IMPA1: variants seen among roughly 807,000 people sequenced by gnomAD.
The protein encoded by IMPA1 is inositol monophosphatase 1, also known as D-galactose 1-phosphate phosphatase.
Under a neutral mutation model 34.9 loss-of-function variants are expected in IMPA1, and 21 were observed. The ratio of observed to expected loss-of-function variants is 0.60; its 90% CI spans 0.43 to 0.87. The LOEUF (loss-of-function observed/expected upper bound fraction) is 0.87. Ranked by LOEUF, IMPA1 falls within the 40% of genes least tolerant of loss-of-function variation. The probability of loss-of-function intolerance (pLI) is 0.00; values close to 1 mark genes in which losing one functional copy is unlikely to be tolerated. For missense variants in IMPA1, 299 were observed against 336.4 expected (o/e 0.89, Z 0.87); for synonymous variants, 95 against 104.4 (o/e 0.91, Z 0.55).
rs892600685 is a variant in IMPA1 at position 81,657,048 on chromosome 8, G to A, written c.*2303C>T. On this transcript the variant is annotated 3_prime_UTR_variant, in exon 9 of 9. Transcript: ENST00000256108. ...AAAATATACATGTTAAGTCTAAGAA[G>A]TCCTGTTACTCAAAGAAATATTTTC... Among the ~76,000 whole-genome samples, 25 of 152,238 alleles carry A rather than the reference G, an allele frequency of 1.6e-4. No homozygotes were observed. The highest frequency in any genetic ancestry group is 5.8e-4 in the African/African-American group (24 of 41,514).
At chr8:81,666,992 G>GT (rs1300748232) in intron 7 of IMPA1, among the ~76,000 whole-genome samples, 1 of 150,432 alleles carries the variant, frequency 6.6e-6, no homozygotes, top group Admixed American at 6.6e-5. Context: ...AACTACGTAT[G>GT]TAACTATTAT....
At chr8:81,667,466 C>G (rs910642105) in intron 7 of IMPA1, among the ~76,000 whole-genome samples, 1 of 152,064 alleles carries the variant, frequency 6.6e-6, no homozygotes, top group African/African-American at 2.4e-5. Context: ...CTTCTAGGTT[C>G]ATGGCTTATA....
chr8:81,660,018 C>A (rs1229220735), intron 8 of IMPA1, among the ~76,000 whole-genome samples: 4 of 152,070 alleles, frequency 2.6e-5, no homozygotes, highest in African/African-American at 9.7e-5. Context: ...ACTGTCTAGG[C>A]CAAGGGTGTC....
chr8:81,662,061 G>A (rs1182102224), intron 7 of IMPA1, among the ~76,000 whole-genome samples: 1 of 152,070 alleles, frequency 6.6e-6, no homozygotes, highest in African/African-American at 2.4e-5. Flanking sequence ...TTTTAAAAAG[G>A]ATTAGAATAA....
At chr8:81,674,589 T>C (rs1446896680) in intron 5 of IMPA1, 1 of 327,062 alleles carries the variant, frequency 3.1e-6, no homozygotes, top group Non-Finnish European at 6.0e-6. Context: ...ACTACCTCCA[T>C]GCTCCCACCA....
chr8:81,681,360 C>T, intron 2 of IMPA1, 138 bp downstream of exon 2: 1 of 616,778 alleles, frequency 1.6e-6, no homozygotes. Context: ...GTTCCTGCCA[C>T]TACATTCCAG....
At position 81,659,248 on chromosome 8, in the gene IMPA1, A is replaced by T. The variant is rs1806595414; in HGVS notation, c.*103T>A. 1.4e-6 allele frequency: 1 copy of T among 729,090 alleles called. No homozygotes were observed. The highest frequency in any genetic ancestry group is 1.6e-5 in the South Asian group (1 of 63,936). The allele number at this position is 729,090 out of a possible 1,614,324, so 45.2% of individuals were successfully genotyped here. A position where few individuals can be genotyped will look rare whatever the true frequency, so the allele number is the denominator to read the frequency against. On this transcript the variant is annotated 3_prime_UTR_variant, in exon 9 of 9. Transcript: ENST00000256108. Reference sequence around the variant, plus strand: ...AGTTCCAAATTTTTGACCTGGACAAAGAGAATTTAAACCAAGCATATCATA... The same window carrying T: ...AGTTCCAAATTTTTGACCTGGACAATGAGAATTTAAACCAAGCATATCATA...
intron 7 of IMPA1, among the ~76,000 whole-genome samples, chr8:81,665,023 T>C (rs949774029): frequency 2.6e-5 from 4 of 151,138 alleles, no homozygotes; most frequent in Admixed American, 1.3e-4. Context: ...ACTGGCAAAA[T>C]AAGAAATTCA....
At chr8:81,667,100 ACT>A (rs1806850970) in intron 7 of IMPA1, among the ~76,000 whole-genome samples, 1 of 152,100 alleles carries the variant, frequency 6.6e-6, no homozygotes, top group Admixed American at 6.6e-5. Context: ...TACATCAGAG[ACT>A]CTCAGTATAA....
rs1441697668 is a variant in IMPA1, at chr8:81,658,646, ATC to A, written c.*703_*704del. On this transcript the variant is annotated 3_prime_UTR_variant, in exon 9 of 9. Transcript: ENST00000256108. ...AGAAATGCCCACAATAAGCCATGCT[ATC>A]TGATGGTATGGTAATGTGAAATGGC... The A allele has an allele frequency of 2.6e-5, 4 of 152,636 alleles. No homozygotes were observed. The highest frequency in any genetic ancestry group is 9.6e-5 in the African/African-American group (4 of 41,464). 9.5% of individuals were successfully genotyped at this position (152,636 alleles called of 1,614,324 possible).
chr8:81,679,352 G>A (rs1259477469), intron 3 of IMPA1, 122 bp from the exon 4 acceptor site: 3 of 683,034 alleles, frequency 4.4e-6, no homozygotes, highest in Non-Finnish European at 7.8e-6. Flanking sequence ...GGAGGTTCAC[G>A]CCTGTAATCC....
chr8:81,679,188 G>C lies in IMPA1; in HGVS notation c.240C>G (p.Ile80Met), dbSNP rs204777. The change falls in exon 4 of 9, where the codon ATC becomes ATG. Residue 80 changes from isoleucine to methionine, a missense_variant. Transcript: ENST00000256108. Reference sequence around the variant, plus strand: ...TGATCCATGTGGGGTTGTCGGTTAAGATACTTTTTTCCCCAGCTGCCACAG... The same window carrying C: ...TGATCCATGTGGGGTTGTCGGTTAACATACTTTTTTCCCCAGCTGCCACAG... ...EESVAAGEKS[I>M]LTDNPTWIID... is the part of the protein sequence containing the mutation. The C allele has an allele frequency of 1.2e-6, 2 of 1,614,002 alleles. No homozygotes were observed. The highest frequency in any genetic ancestry group is 1.7e-6 in the Non-Finnish European group (2 of 1,179,902).
chr8:81,683,076 A>G (rs1364434650), intron 1 of IMPA1, among the ~76,000 whole-genome samples: 2 of 152,242 alleles, frequency 1.3e-5, no homozygotes, highest in Non-Finnish European at 2.9e-5. Context: ...TTCCCTGAAG[A>G]CAAGATTAAA....
In IMPA1 at chr8:81,677,672, A is replaced by G. The variant is rs551904927; in HGVS notation, c.303-1393T>C. On this transcript the variant is annotated intron_variant, in intron 4 of 8. Coordinates refer to ENST00000256108, the MANE Select transcript of IMPA1 (RefSeq NM_005536.4). ...AAATAAAAACTTTTAAATATGTAAGAAAGTTTTTATTTTAACAAAAATAAG... is the reference window on the plus strand; with the variant it reads ...AAATAAAAACTTTTAAATATGTAAGGAAGTTTTTATTTTAACAAAAATAAG... Among the ~76,000 whole-genome samples, 10 of 152,382 alleles carry G rather than the reference A, an allele frequency of 6.6e-5. No individual in the cohort carries two copies. In the South Asian group the frequency reaches 1.7e-3, roughly 25 times the overall value.
At position 81,673,928 on chromosome 8, in the gene IMPA1, T is replaced by C; in HGVS notation, c.370A>G (p.Ser124Gly). 6.2e-7 allele frequency: 1 copy of C among 1,611,510 alleles called. No individual in the cohort carries two copies. The highest frequency in any genetic ancestry group is 1.1e-5 in the South Asian group (1 of 91,006). The change falls in exon 6 of 9, where the codon AGT (serine) becomes GGT (glycine). Residue 124 changes from serine (S) to glycine (G), a missense_variant. Coordinates refer to ENST00000256108, the MANE Select transcript of IMPA1 (RefSeq NM_005536.4). Reference protein sequence around the residue: ...NKKIEFGVVYSCVEGKMYTAR... With the variant: ...NKKIEFGVVYGCVEGKMYTAR... Reference sequence around the variant, plus strand: ...GTGTACATCTTGCCTTCCACACAACTGTACACAACTCCAAATTCTATCTGC... The same window carrying C: ...GTGTACATCTTGCCTTCCACACAACCGTACACAACTCCAAATTCTATCTGC...
intron 1 of IMPA1, among the ~76,000 whole-genome samples, chr8:81,682,778 C>A (rs950152757): frequency 3.3e-5 from 5 of 152,254 alleles, no homozygotes; most frequent in Middle Eastern, 3.4e-3. Context: ...TCTACAAATT[C>A]TTCAGGACCC....
chr8:81,659,466 C>T lies in IMPA1; in HGVS notation c.719G>A (p.Gly240Asp), dbSNP rs1260261553. Residue 240 changes from glycine (G) to aspartate (D), a missense_variant and splice_region_variant, in exon 9 of 9, where the codon GGT becomes GAT. By Grantham distance (94) the Gly-to-Asp change is moderately conservative (BLOSUM62 -1). Coordinates refer to ENST00000256108, the MANE Select transcript of IMPA1 (RefSeq NM_005536.4). The stretch of plus-strand genomic sequence containing the variant: ...TCGTGACATCAAATCAAATGGTCCA[C>T]CTAAAAGCAAACAAGTATGAAAAAT... ...EAGGVLMDVT[G>D]GPFDLMSRRV... 5.9e-6 allele frequency: 9 copies of T among 1,538,106 alleles called. No homozygotes were observed. Among genetic ancestry groups the T allele is most frequent in the Non-Finnish European group, 8.1e-6 (9 of 1,115,228 alleles).
Position 81,684,097 on chromosome 8 carries a change from C to CTATA in IMPA1, c.-25+2151_-25+2154dup, listed in dbSNP as rs34432369. 5.7e-3 allele frequency among the ~76,000 whole-genome samples: 791 copies of CTATA among 137,614 alleles called. 10 individuals carry two copies. The highest frequency in any genetic ancestry group is 0.016 in the African/African-American group (535 of 33,804). The allele number at this position is 137,614 out of a possible 152,430, so 90.3% of individuals were successfully genotyped here. A position where few individuals can be genotyped will look rare whatever the true frequency, so the allele number is the denominator to read the frequency against. The stretch of plus-strand genomic sequence containing the variant: ...ATGAGCCAGGAATGGTGGATGCAAA[C>CTATA]TATATATATATATATATACACACAC... On this transcript the variant is annotated intron_variant, in intron 1 of 8. Transcript: ENST00000256108.
In IMPA1 at chr8:81,678,775, C is replaced by A; in HGVS notation, c.302+351G>T. The A allele has an allele frequency of 1.4e-5, 3 of 218,456 alleles. No homozygotes were observed. The South Asian group carries it at 2.0e-4, about 14-fold the overall frequency. 13.5% of individuals were successfully genotyped at this position (218,456 alleles called of 1,614,324 possible). A position where few individuals can be genotyped will look rare whatever the true frequency, so the allele number is the denominator to read the frequency against. On this transcript the variant is annotated intron_variant, in intron 4 of 8. Coordinates refer to ENST00000256108, the MANE Select transcript of IMPA1 (RefSeq NM_005536.4). ...CCATATAGATCTATGGTACATGCCA[C>A]TCAAAGAATAGAAAATGGCATGCAG...
Sources: allele counts gnomAD v4.1 joint callset (sites outside exome capture counted in the v4.1 genomes callset), GRCh38; gene constraint gnomAD v4.1.1; transcripts MANE v1.5; gene names NCBI Gene and HGNC (gene_info 2026-07-23, HGNC 2026-07-21).